The following CEP192 variants were observed in gnomAD, a reference collection of about 807,000 sequenced individuals.
The protein encoded by CEP192 is centrosomal protein of 192 kDa.
Under a neutral mutation model 271.8 loss-of-function variants are expected in CEP192, and 151 were observed. That is an observed-to-expected ratio of 0.56 (90% confidence interval 0.49 to 0.64). The LOEUF (loss-of-function observed/expected upper bound fraction) is 0.64. Among genes scored for constraint, CEP192 ranks in the 30% least tolerant of loss-of-function variants. The pLI is 0.00. For synonymous variants in CEP192, 995 were observed against 1,076.5 expected (o/e 0.92, Z 1.48); for missense variants, 2,910 against 3,020.5 (o/e 0.96, Z 0.86).
intron 3 of CEP192, among the ~76,000 whole-genome samples, chr18:13,003,890 A>G (rs1459172390): frequency 6.6e-6 from 1 of 152,196 alleles, no homozygotes; most frequent in South Asian, 2.1e-4. Context: ...GGAGTGAGGC[A>G]GATGGAAGAG....
In CEP192 at chr18:13,072,720, G is replaced by C. The variant is rs764319902; in HGVS notation, c.5349-35G>C. On this transcript the variant is annotated intron_variant, in intron 28 of 44. Transcript: ENST00000506447. ...TTATAATGGTAGCAATATCCATGGA[G>C]AAAAACCATATTTAAAATGTCTAAT... 6.5e-5 allele frequency: 91 copies of C among 1,402,546 alleles called. 1 individual carries two copies. Among genetic ancestry groups the C allele is most frequent in the Non-Finnish European group, 7.9e-5 (78 of 987,598 alleles). 86.9% of individuals were successfully genotyped at this position (1,402,546 alleles called of 1,614,324 possible). A position where few individuals can be genotyped will look rare whatever the true frequency, so the allele number is the denominator to read the frequency against.
At chr18:13,053,695 T>G (rs1456721627) in intron 18 of CEP192, among the ~76,000 whole-genome samples, 1 of 152,080 alleles carries the variant, frequency 6.6e-6, no homozygotes, top group Non-Finnish European at 1.5e-5. Flanking sequence ...TTTTGTTTTG[T>G]TTTTGTATTT....
intron 7 of CEP192, among the ~76,000 whole-genome samples, chr18:13,017,778 C>T (rs528528939): frequency 1.3e-5 from 2 of 152,304 alleles, no homozygotes; most frequent in South Asian, 2.1e-4. Flanking sequence ...AATTACTGTA[C>T]AGTCCATGTT....
At chr18:13,111,911 G>A (rs1396152773) in intron 40 of CEP192, among the ~76,000 whole-genome samples, 2 of 152,126 alleles carry the variant, frequency 1.3e-5, no homozygotes, top group South Asian at 2.1e-4. Flanking sequence ...CAATCAAAAC[G>A]AGAAATGAAG....
At chr18:13,082,432 CTTTTTTT>C (rs57663388) in intron 30 of CEP192, among the ~76,000 whole-genome samples, 9 of 49,920 alleles carry the variant, frequency 1.8e-4, no homozygotes, top group Admixed American at 4.4e-4. Context: ...GCAACCCCTG[CTTTTTTT>C]TTTTTTTTTT....
intron 13 of CEP192, 93 bp downstream of exon 13, chr18:13,038,672 T>A: frequency 1.1e-6 from 1 of 947,806 alleles, no homozygotes. Flanking sequence ...GGAGATAGAA[T>A]AGGATGGGAC....
chr18:13,084,165 C>T (rs968049616), intron 30 of CEP192, among the ~76,000 whole-genome samples: 7 of 152,212 alleles, frequency 4.6e-5, no homozygotes, highest in African/African-American at 1.7e-4. Flanking sequence ...AGCTGTCAGA[C>T]AGGGACGTTT....
Position 13,049,320 on chromosome 18 carries a change from T to C in CEP192, c.2529T>C (p.Ala843=), listed in dbSNP as rs1940322155. The change falls in exon 16 of 45, where the codon GCT becomes GCC. Residue 843 remains alanine, a synonymous_variant. Transcript: ENST00000506447. The part of the protein sequence containing the change: ...SVRAPEENTA[A]IVYVENGESE... Reference sequence around the variant, plus strand: ...GGGCACCAGAAGAAAACACAGCAGCTATTGTTTATGTTGAAAATGGAGAGA... The same window carrying C: ...GGGCACCAGAAGAAAACACAGCAGCCATTGTTTATGTTGAAAATGGAGAGA... The C allele has an allele frequency of 6.2e-7, 1 of 1,614,048 alleles. No homozygotes were observed. Among genetic ancestry groups the C allele is most frequent in the Non-Finnish European group, 8.5e-7 (1 of 1,180,004 alleles).
At chr18:13,084,991 G>T (rs1315717222) in intron 30 of CEP192, among the ~76,000 whole-genome samples, 14 of 141,466 alleles carry the variant, frequency 9.9e-5, no homozygotes, top group South Asian at 2.3e-4. Flanking sequence ...AATTTTTTGG[G>T]TTTTTTTTTT....
At chr18:13,049,734 C>A (rs750648546) in intron 16 of CEP192, 31 bp from the exon 17 acceptor site, 1 of 1,605,108 alleles carries the variant, frequency 6.2e-7, no homozygotes, top group Non-Finnish European at 8.5e-7. Flanking sequence ...TTTATTTTCT[C>A]TTCTTACTGG....
chr18:13,049,916 AAAAT>A (rs1253650706), intron 17 of CEP192, 25 bp downstream of exon 17: 3 of 1,588,802 alleles, frequency 1.9e-6, no homozygotes, highest in Non-Finnish European at 2.6e-6. Context: ...TCTTTTTTAA[AAAAT>A]AAAAATATGC....
chr18:13,098,059 C>G (rs2039494392), intron 36 of CEP192, among the ~76,000 whole-genome samples: 1 of 152,140 alleles, frequency 6.6e-6, no homozygotes, highest in African/African-American at 2.4e-5. Flanking sequence ...TACACAGACA[C>G]AGCAACCATC....
In CEP192 at chr18:13,015,365, A is replaced by C. The variant is rs2034583967; in HGVS notation, c.557A>C (p.Lys186Thr). The stretch of plus-strand genomic sequence containing the variant: ...GATGCTGGAAAACATTTTGAAGACA[A>C]GACTCTAAAGAGTGACCTAAGCCAC... ...VLDAGKHFED[K>T]TLKSDLSHTS... The change falls in exon 6 of 45, where the codon AAG becomes ACG. Residue 186 changes from lysine (K) to threonine (T), a missense_variant. Physicochemically the swap from Lys to Thr is moderately conservative, Grantham distance 78. Transcript: ENST00000506447. 2.6e-6 allele frequency: 4 copies of C among 1,550,328 alleles called. No individual in the cohort carries two copies. The highest frequency in any genetic ancestry group is 3.5e-6 in the Non-Finnish European group (4 of 1,146,464).
chr18:13,006,637 CT>C (rs1270543135), intron 3 of CEP192, among the ~76,000 whole-genome samples: 3 of 152,212 alleles, frequency 2.0e-5, no homozygotes, highest in African/African-American at 7.2e-5. Flanking sequence ...TGAACTGCTC[CT>C]TTTTTTCTTG....
chr18:13,053,174 A>C, intron 18 of CEP192, 84 bp downstream of exon 18: 1 of 1,149,452 alleles, frequency 8.7e-7, no homozygotes, highest in Non-Finnish European at 1.2e-6. Context: ...CTACAGTTCA[A>C]GCCTATATAA....
At chr18:13,058,714 C>A in intron 20 of CEP192, 1 of 201,356 alleles carries the variant, frequency 5.0e-6, no homozygotes, top group Non-Finnish European at 1.0e-5. Context: ...CAGCGGTTAG[C>A]CTGACTCTTC....
intron 40 of CEP192, among the ~76,000 whole-genome samples, chr18:13,111,153 C>G (rs1016404034): frequency 2.6e-5 from 4 of 152,168 alleles, no homozygotes. Context: ...GAGATGGAGT[C>G]TTACTCTGTT....
chr18:13,071,653 A>G (rs1293008848), intron 28 of CEP192, among the ~76,000 whole-genome samples: 2 of 152,230 alleles, frequency 1.3e-5, no homozygotes, highest in Admixed American at 6.5e-5. Context: ...ACCACACCGA[A>G]TGGAGCACCG....
chr18:13,071,287 G>A lies in CEP192; in HGVS notation c.5348+75G>A, dbSNP rs1161353009. 3.7e-6 allele frequency: 5 copies of A among 1,353,344 alleles called. No homozygotes were observed. In the East Asian group the frequency reaches 9.9e-5, roughly 27 times the overall value. The allele number at this position is 1,353,344 out of a possible 1,614,324, so 83.8% of individuals were successfully genotyped here. ...GCAGACTACAAATTAATGTTTGCAG[G>A]AAAATTTTGTCATAATAGACACTCT... is the stretch of plus-strand genomic sequence containing the variant. On this transcript the variant is annotated intron_variant, in intron 28 of 44. Transcript: ENST00000506447.
Sources: gnomAD v4.1 joint callset for allele counts (sites outside exome capture counted in the v4.1 genomes callset) on GRCh38, gnomAD v4.1.1 for gene constraint, MANE v1.5 for transcripts, NCBI Gene and HGNC (gene_info 2026-07-23, HGNC 2026-07-21) for gene names.